Variants in TRAPPC9 observed in about 807,000 individuals in gnomAD.
TRAPPC9 encodes the protein IKK2 binding protein.
A neutral mutation model predicts 124.0 loss-of-function variants in TRAPPC9; 83 were observed. That is an observed-to-expected ratio of 0.67 (90% CI 0.56 to 0.80). The LOEUF (loss-of-function observed/expected upper bound fraction) is 0.80, where lower values mean the gene tolerates loss of function less well. Among genes scored for constraint, TRAPPC9 ranks in the 30% least tolerant of loss-of-function variants. The probability of loss-of-function intolerance (pLI) is 0.00; values close to 1 mark genes in which losing one functional copy is unlikely to be tolerated. For missense variants in TRAPPC9, 1,302 were observed against 1,508.3 expected (o/e 0.86, Z 2.27); for synonymous variants, 638 against 617.5 (o/e 1.03, Z -0.49).
intron 19 of TRAPPC9, 29 bp from the exon 20 acceptor site, chr8:139,910,329 A>T (rs748936999): frequency 1.2e-6 from 2 of 1,613,956 alleles, no homozygotes; most frequent in South Asian, 2.2e-5. Flanking sequence ...CACAGCAGAG[A>T]ATTCATCAGT....
intron 19 of TRAPPC9, among the ~76,000 whole-genome samples, chr8:139,986,136 A>G (rs777342497): frequency 1.9e-4 from 29 of 152,140 alleles, no homozygotes; most frequent in Non-Finnish European, 3.5e-4. Flanking sequence ...CTGGCTACTC[A>G]GGAGGCTGAG....
In TRAPPC9 at chr8:139,891,272, G is replaced by A. The variant is rs190807761; in HGVS notation, c.2965-5303C>T. 7.2e-5 allele frequency among the ~76,000 whole-genome samples: 11 copies of A among 152,356 alleles called. No individual in the cohort carries two copies. In the East Asian group the frequency reaches 2.1e-3, roughly 29 times the overall value. Reference sequence around the variant, plus strand: ...TCAAGGTGAGGAATGTGAGAGTAAGGGAATCTCATCAGCAAAGATTAAAGA... The same window carrying A: ...TCAAGGTGAGGAATGTGAGAGTAAGAGAATCTCATCAGCAAAGATTAAAGA... On this transcript the variant is annotated intron_variant, in intron 20 of 22. Transcript: ENST00000438773.
At chr8:139,999,841 A>G (rs1019028694) in intron 18 of TRAPPC9, among the ~76,000 whole-genome samples, 2 of 152,236 alleles carry the variant, frequency 1.3e-5, no homozygotes, top group African/African-American at 4.8e-5. Flanking sequence ...GGAAGCCCCA[A>G]GAGAAATAAA....
chr8:139,809,794 T>C (rs1047759429), intron 21 of TRAPPC9, among the ~76,000 whole-genome samples: 6 of 152,054 alleles, frequency 3.9e-5, no homozygotes, highest in Non-Finnish European at 7.4e-5. Context: ...GCCTGCCATA[T>C]AAACGGCGGC....
chr8:139,904,383 G>T (rs1831208526), intron 20 of TRAPPC9: 1 of 152,314 alleles, frequency 6.6e-6, no homozygotes, highest in Admixed American at 6.5e-5. Context: ...AGGCTCTGAG[G>T]AGCAGACAGT....
chr8:140,077,083 T>C (rs1434776904), intron 17 of TRAPPC9, among the ~76,000 whole-genome samples: 3 of 152,082 alleles, frequency 2.0e-5, no homozygotes, highest in East Asian at 1.9e-4. Flanking sequence ...GGAGGATCGC[T>C]TGAACCCAGG....
intron 21 of TRAPPC9, among the ~76,000 whole-genome samples, chr8:139,876,722 C>A (rs114886365): frequency 5.8e-4 from 89 of 152,312 alleles, no homozygotes; most frequent in African/African-American, 1.9e-3. Flanking sequence ...CTTAGGCCCC[C>A]AGCCTCACCT....
At chr8:140,115,037 G>A (rs1325916175) in intron 17 of TRAPPC9, among the ~76,000 whole-genome samples, 4 of 152,144 alleles carry the variant, frequency 2.6e-5, no homozygotes, top group African/African-American at 9.7e-5. Context: ...AAGTAAAACT[G>A]CAGGTAATAA....
intron 21 of TRAPPC9, among the ~76,000 whole-genome samples, chr8:139,736,063 A>C (rs529766124): frequency 6.6e-6 from 1 of 152,266 alleles, no homozygotes; most frequent in Non-Finnish European, 1.5e-5. Flanking sequence ...CCTCCATCTC[A>C]TCTATGAAAC....
chr8:140,054,072 C>T (rs987227442), intron 17 of TRAPPC9, among the ~76,000 whole-genome samples: 4 of 152,134 alleles, frequency 2.6e-5, no homozygotes, highest in Non-Finnish European at 5.9e-5. Flanking sequence ...AACACAGAAA[C>T]AGAAAATCAA....
intron 9 of TRAPPC9, among the ~76,000 whole-genome samples, chr8:140,327,021 G>A (rs1366260601): frequency 3.3e-5 from 5 of 152,216 alleles, no homozygotes; most frequent in Non-Finnish European, 7.3e-5. Flanking sequence ...GGAGGCTGAG[G>A]TGAGCGGATC....
intron 19 of TRAPPC9, among the ~76,000 whole-genome samples, chr8:139,986,630 T>C (rs1837253059): frequency 6.6e-6 from 1 of 152,188 alleles, no homozygotes; most frequent in South Asian, 2.1e-4. Context: ...CAAAGACTAT[T>C]GTAGCTATCA....
chr8:139,992,854 G>T (rs1418618523), intron 18 of TRAPPC9, among the ~76,000 whole-genome samples: 1 of 151,906 alleles, frequency 6.6e-6, no homozygotes, highest in Admixed American at 6.6e-5. Flanking sequence ...GACTATGCAG[G>T]TACACAGAAA....
At chr8:140,189,426 G>C (rs2062430665) in intron 17 of TRAPPC9, among the ~76,000 whole-genome samples, 1 of 152,224 alleles carries the variant, frequency 6.6e-6, no homozygotes, top group Admixed American at 6.5e-5. Flanking sequence ...CCTCGAACAA[G>C]AGGGGAGGCA....
chr8:140,243,239 T>C (rs559483674), intron 16 of TRAPPC9, among the ~76,000 whole-genome samples: 47 of 152,332 alleles, frequency 3.1e-4, no homozygotes, highest in Non-Finnish European at 4.3e-4. Context: ...AAAGGATACC[T>C]GATCCGGAAC....
chr8:140,235,631 T>G (rs2063712802), intron 16 of TRAPPC9, among the ~76,000 whole-genome samples: 1 of 152,214 alleles, frequency 6.6e-6, no homozygotes, highest in Non-Finnish European at 1.5e-5. Flanking sequence ...TTTAAAACAC[T>G]GACAATACCA....
chr8:140,025,747 T>A (rs1309636372), intron 17 of TRAPPC9, among the ~76,000 whole-genome samples: 2 of 152,326 alleles, frequency 1.3e-5, no homozygotes, highest in East Asian at 3.9e-4. Flanking sequence ...CCTACCCATC[T>A]GACACCCTGA....
chr8:140,096,337 G>T (rs1037186274), intron 17 of TRAPPC9: 2 of 152,240 alleles, frequency 1.3e-5, no homozygotes, highest in African/African-American at 4.8e-5. Context: ...CAGCTAGGGA[G>T]CCACTGCAGA....
chr8:140,269,412 G>A (rs981824909), intron 15 of TRAPPC9, among the ~76,000 whole-genome samples: 4 of 151,944 alleles, frequency 2.6e-5, no homozygotes, highest in Non-Finnish European at 4.4e-5. Flanking sequence ...GTGGTGGCAG[G>A]TGCCTGGAGT....
Sources: gnomAD v4.1 joint callset for allele counts (sites outside exome capture counted in the v4.1 genomes callset) on GRCh38, gnomAD v4.1.1 for gene constraint, MANE v1.5 for transcripts, NCBI Gene and HGNC (gene_info 2026-07-23, HGNC 2026-07-21) for gene names.